Variants in CNTNAP3B observed in about 807,000 individuals in gnomAD.
CNTNAP3B encodes contactin-associated protein-like 3B.
A neutral mutation model predicts 108.9 loss-of-function variants in CNTNAP3B; 25 were observed. The ratio of observed to expected loss-of-function variants is 0.23; its 90% CI spans 0.17 to 0.32. The LOEUF (loss-of-function observed/expected upper bound fraction) is 0.32. Among genes scored for constraint, CNTNAP3B ranks in the 10% least tolerant of loss-of-function variants. The pLI is 1.00. For missense variants in CNTNAP3B, 252 were observed against 1,210.4 expected, an observed-to-expected ratio of 0.21 and a Z score of 11.75; for synonymous variants, 103 against 473.4, an observed-to-expected ratio of 0.22 and a Z score of 10.16.
chr9:41,995,439 C>CAAAACAAAAACAAAAACA (rs1185722905), intron 7 of CNTNAP3B, among the ~76,000 whole-genome samples: 1 of 110,388 alleles, frequency 9.1e-6, no homozygotes, highest in Admixed American at 9.4e-5. Flanking sequence ...GACTGCATCT[C>CAAAACAAAAACAAAAACA]AAAACAAAAA....
At chr9:41,933,229 G>T (rs1374369510) in intron 14 of CNTNAP3B, among the ~76,000 whole-genome samples, 15 of 152,372 alleles carry the variant, frequency 9.8e-5, no homozygotes, top group Admixed American at 2.0e-4. Context: ...TTTGTCATGG[G>T]GGGGGCTGTC....
At chr9:42,001,328 C>A (rs968684111) in intron 4 of CNTNAP3B, among the ~76,000 whole-genome samples, 6 of 121,176 alleles carry the variant, frequency 5.0e-5, no homozygotes, top group Non-Finnish European at 1.0e-4. Context: ...GTGGGAGGAT[C>A]GCTTGAGCTC....
Position 42,090,973 on chromosome 9 carries a change from T to TACACAC in CNTNAP3B, c.196+13650_196+13655dup, listed in dbSNP as rs548325172. ...CTGACTCTCTCTAAATATATATATA[T>TACACAC]ACACACACACACACACACACACACA... On this transcript the variant is annotated intron_variant, in intron 2 of 23. Transcript: ENST00000377561. Among the ~76,000 whole-genome samples, 163 of 37,792 alleles carry TACACAC rather than the reference T, an allele frequency of 4.3e-3. 42 individuals carry two copies. Among genetic ancestry groups the TACACAC allele is most frequent in the Admixed American group, 0.01 (28 of 2,670 alleles). 24.8% of individuals were successfully genotyped at this position (37,792 alleles called of 152,430 possible).
chr9:41,957,793 C>T (rs1430874164), intron 12 of CNTNAP3B, among the ~76,000 whole-genome samples: 10 of 152,280 alleles, frequency 6.6e-5, no homozygotes, highest in Non-Finnish European at 1.2e-4. Flanking sequence ...CAAAATCTCG[C>T]TCTGTCACCC....
chr9:41,926,770 G>T (rs1478579457), intron 15 of CNTNAP3B: 2 of 152,314 alleles, frequency 1.3e-5, no homozygotes, highest in Admixed American at 6.5e-5. Context: ...CATACTTTCA[G>T]AAGTCTTGCT....
chr9:42,122,591 A>T (rs1828487068), intron 1 of CNTNAP3B, among the ~76,000 whole-genome samples: 1 of 135,620 alleles, frequency 7.4e-6, no homozygotes, highest in South Asian at 2.4e-4. Context: ...TTGATGTTGC[A>T]TTACTTTTTC....
chr9:42,034,218 C>T (rs1826581525), intron 3 of CNTNAP3B, among the ~76,000 whole-genome samples: 3 of 135,462 alleles, frequency 2.2e-5, no homozygotes, highest in Admixed American at 1.5e-4. Context: ...ATCTATTTCT[C>T]ATCTATACAT....
Position 42,115,873 on chromosome 9 carries a change from C to T in CNTNAP3B, c.86-11134G>A, listed in dbSNP as rs368696687. Among the ~76,000 whole-genome samples the T allele has an allele frequency of 8.9e-5, 11 of 124,182 alleles. 3 individuals carry two copies. The highest frequency in any genetic ancestry group is 1.7e-4 in the African/African-American group (5 of 29,792). 81.5% of individuals were successfully genotyped at this position (124,182 alleles called of 152,430 possible). A position where few individuals can be genotyped will look rare whatever the true frequency, so the allele number is the denominator to read the frequency against. ...AAAGCTGGATGGAGAATGACTTTGA[C>T]GAGTTGAGAGAAGAAGGTTTCAGAT... On this transcript the variant is annotated intron_variant, in intron 1 of 23. Coordinates refer to ENST00000377561, the MANE Select transcript of CNTNAP3B (RefSeq NM_001201380.3).
At position 42,102,056 on chromosome 9, in the gene CNTNAP3B, GATAAATAAATAAATAA is replaced by G. The variant is rs772930176; in HGVS notation, c.196+2557_196+2572del. Among the ~76,000 whole-genome samples the G allele has an allele frequency of 2.0e-4, 7 of 34,848 alleles. 1 individual carries two copies. The highest frequency in any genetic ancestry group is 3.9e-4 in the Admixed American group (1 of 2,596). The allele number at this position is 34,848 out of a possible 152,430, so 22.9% of individuals were successfully genotyped here. Reference sequence around the variant, plus strand: ...TGGCAACACAGCAAGACTCCATCTCGATAAATAAATAAATAAATAAATAAATAAATAAATAAATAAA... The same window carrying G: ...TGGCAACACAGCAAGACTCCATCTCGATAAATAAATAAATAAATAAATAAA... On this transcript the variant is annotated intron_variant, in intron 2 of 23. Coordinates refer to ENST00000377561, the MANE Select transcript of CNTNAP3B (RefSeq NM_001201380.3).
At chr9:42,056,501 C>A (rs1278850282) in intron 3 of CNTNAP3B, among the ~76,000 whole-genome samples, 1 of 137,590 alleles carries the variant, frequency 7.3e-6, no homozygotes, top group Non-Finnish European at 1.6e-5. Context: ...CAGGCGCCCG[C>A]CACCACACCT....
chr9:42,127,622 G>A (rs1005604868), intron 1 of CNTNAP3B, among the ~76,000 whole-genome samples: 6 of 139,636 alleles, frequency 4.3e-5, no homozygotes, highest in African/African-American at 1.7e-4. Flanking sequence ...AAGACCCAAG[G>A]ATTTTAATTT....
At chr9:41,926,642 A>G (rs1256895373) in intron 15 of CNTNAP3B, 8 of 152,328 alleles carry the variant, frequency 5.3e-5, no homozygotes, top group African/African-American at 1.7e-4. Context: ...TTTTTGTAAG[A>G]GACAAGGTCT....
intron 13 of CNTNAP3B, among the ~76,000 whole-genome samples, chr9:41,939,892 A>G (rs1207280018): frequency 6.6e-6 from 1 of 152,028 alleles, no homozygotes; most frequent in African/African-American, 2.4e-5. Context: ...TTCTGGAAAT[A>G]ATACAGAAGA....
At chr9:42,059,935 G>T (rs1270785259) in intron 3 of CNTNAP3B, among the ~76,000 whole-genome samples, 1 of 148,528 alleles carries the variant, frequency 6.7e-6, no homozygotes, top group East Asian at 2.0e-4. Context: ...GAAGTCTTTA[G>T]GGCTTTCTAT....
chr9:41,963,012 G>A (rs1365389701), intron 11 of CNTNAP3B, among the ~76,000 whole-genome samples: 5 of 152,256 alleles, frequency 3.3e-5, no homozygotes, highest in Non-Finnish European at 5.9e-5. Context: ...TTATAAACAG[G>A]GACCCTTCTA....
intron 3 of CNTNAP3B, among the ~76,000 whole-genome samples, chr9:42,058,171 A>ATAATACTG (rs1827112602): frequency 1.4e-5 from 2 of 147,744 alleles, no homozygotes; most frequent in African/African-American, 5.0e-5. Flanking sequence ...ACTGCAATGA[A>ATAATACTG]CATGGTTGTA....
chr9:42,085,433 C>T (rs1199826686), intron 2 of CNTNAP3B, among the ~76,000 whole-genome samples: 1 of 140,856 alleles, frequency 7.1e-6, no homozygotes, highest in Non-Finnish European at 1.5e-5. Flanking sequence ...CTATAATTTC[C>T]TCAATTCCTC....
chr9:41,924,656 C>CACACAT (rs1823761092), intron 15 of CNTNAP3B, among the ~76,000 whole-genome samples: 2 of 29,268 alleles, frequency 6.8e-5, no homozygotes, highest in Non-Finnish European at 2.3e-4. Context: ...CACACACACA[C>CACACAT]ACACACACAC....
chr9:41,943,846 C>A (rs560635047), intron 13 of CNTNAP3B, among the ~76,000 whole-genome samples: 685 of 151,920 alleles, frequency 4.5e-3, no homozygotes, highest in Admixed American at 7.5e-3. Context: ...ACAAAAAAAA[C>A]CACACCTAGG....
Sources: allele counts gnomAD v4.1 joint callset (sites outside exome capture counted in the v4.1 genomes callset), GRCh38; gene constraint gnomAD v4.1.1; transcripts MANE v1.5; gene names NCBI Gene and HGNC (gene_info 2026-07-23, HGNC 2026-07-21).